The following NRXN3 variants were observed in gnomAD, a reference collection of about 807,000 sequenced individuals.
The protein encoded by NRXN3 is neurexin III.
Under a neutral mutation model 137.6 loss-of-function variants are expected in NRXN3, and 32 were observed. The observed-to-expected ratio is 0.23, with a 90% CI of 0.18 to 0.31. The LOEUF (loss-of-function observed/expected upper bound fraction) is 0.31. Ranked by LOEUF, NRXN3 falls within the 10% of genes least tolerant of loss-of-function variation. NRXN3 has a pLI of 1.00. For missense variants in NRXN3, 1,574 were observed against 2,062.5 expected (o/e 0.76, Z 4.59); for synonymous variants, 798 against 784.5 (o/e 1.02, Z -0.29).
intron 19 of NRXN3, among the ~76,000 whole-genome samples, chr14:79,770,558 G>C (rs940688567): frequency 1.2e-4 from 18 of 147,960 alleles, no homozygotes; most frequent in East Asian, 7.8e-4. Context: ...CAGAAATAAA[G>C]ATGTTCTTTG....
intron 17 of NRXN3, among the ~76,000 whole-genome samples, chr14:79,676,469 G>T (rs2098641415): frequency 6.6e-6 from 1 of 151,628 alleles, no homozygotes; most frequent in Non-Finnish European, 1.5e-5. Flanking sequence ...TCTGTGCAAA[G>T]TTATAAGGGA....
intron 4 of NRXN3, among the ~76,000 whole-genome samples, chr14:78,346,375 G>T (rs889857573): frequency 2.6e-5 from 4 of 152,156 alleles, no homozygotes; most frequent in African/African-American, 9.7e-5. Flanking sequence ...CTCCTGGTCT[G>T]CCTCAGTAAT....
chr14:79,655,518 G>GTCT (rs2098501329), intron 16 of NRXN3, among the ~76,000 whole-genome samples: 1 of 152,178 alleles, frequency 6.6e-6, no homozygotes, highest in Non-Finnish European at 1.5e-5. Context: ...ATACCATACA[G>GTCT]AAAAGTACTG....
intron 16 of NRXN3, among the ~76,000 whole-genome samples, chr14:79,624,795 T>TTTG (rs2098264385): frequency 7.6e-6 from 1 of 130,834 alleles, no homozygotes; most frequent in African/African-American, 3.7e-5. Flanking sequence ...TTTCCCGTTT[T>TTTG]TTTTTTTGTT....
intron 15 of NRXN3, among the ~76,000 whole-genome samples, chr14:79,036,127 C>G (rs17108558): frequency 0.38 from 56,933 of 151,684 alleles, 11,148 homozygotes; most frequent in African/African-American, 0.45. Flanking sequence ...CTGTTAAATG[C>G]ATTAGGCCAT....
chr14:79,484,546 A>G (rs767920150), intron 16 of NRXN3, among the ~76,000 whole-genome samples: 1 of 152,160 alleles, frequency 6.6e-6, no homozygotes, highest in African/African-American at 2.4e-5. Flanking sequence ...CTGAGGAGCC[A>G]TTGCCATTTT....
intron 4 of NRXN3, among the ~76,000 whole-genome samples, chr14:78,404,176 G>A (rs2092322363): frequency 6.7e-6 from 1 of 149,986 alleles, no homozygotes; most frequent in South Asian, 2.1e-4. Context: ...TCTTTGGCAT[G>A]AGTTATAGCT....
At chr14:79,220,701 T>G (rs2069437880) in intron 15 of NRXN3, among the ~76,000 whole-genome samples, 1 of 152,158 alleles carries the variant, frequency 6.6e-6, no homozygotes, top group African/African-American at 2.4e-5. Context: ...GATTGGCTTC[T>G]TTTACTTAGT....
chr14:78,515,092 A>G (rs1193369400), intron 4 of NRXN3, among the ~76,000 whole-genome samples: 3 of 152,184 alleles, frequency 2.0e-5, no homozygotes, highest in African/African-American at 7.2e-5. Context: ...GGTGATTCTA[A>G]CAGTTAGCCA....
At chr14:78,699,948 C>T (rs769853843) in intron 6 of NRXN3, among the ~76,000 whole-genome samples, 9 of 152,142 alleles carry the variant, frequency 5.9e-5, no homozygotes, top group East Asian at 1.9e-4. Flanking sequence ...GTGTTTATGA[C>T]GCTTAGTTTA....
chr14:78,648,872 G>A (rs2097711986), intron 5 of NRXN3, among the ~76,000 whole-genome samples: 1 of 152,190 alleles, frequency 6.6e-6, no homozygotes, highest in Non-Finnish European at 1.5e-5. Context: ...ATGGGTTTGT[G>A]TTAGAGGGTG....
chr14:78,442,245 C>T (rs112881365), intron 4 of NRXN3, among the ~76,000 whole-genome samples: 3,214 of 144,784 alleles, frequency 0.022, 115 homozygotes, highest in African/African-American at 0.079. Context: ...CCAGCCTGGG[C>T]AACAGAGGGA....
At chr14:78,321,241 G>T (rs992918054) in intron 4 of NRXN3, among the ~76,000 whole-genome samples, 22 of 152,036 alleles carry the variant, frequency 1.4e-4, no homozygotes, top group African/African-American at 5.1e-4. Flanking sequence ...AGTGTCTCGT[G>T]CATGCTGCTA....
intron 1 of NRXN3, among the ~76,000 whole-genome samples, chr14:78,217,268 TAAC>T (rs745837161): frequency 2.6e-5 from 4 of 152,386 alleles, no homozygotes; most frequent in South Asian, 2.1e-4. Flanking sequence ...TATATTTTCT[TAAC>T]AATATTTTTT....
chr14:79,332,003 G>A (rs1157373337), intron 15 of NRXN3, among the ~76,000 whole-genome samples: 3 of 152,176 alleles, frequency 2.0e-5, no homozygotes, highest in Admixed American at 2.0e-4. Flanking sequence ...AAAAGCATGT[G>A]TGTATCTTAT....
rs757450227 is a variant in NRXN3 at position 78,243,606 on chromosome 14, C to G, written c.513C>G (p.Gly171=). The change falls in exon 2 of 21, where the codon GGC becomes GGG. Residue 171 remains glycine, a synonymous_variant. Coordinates refer to ENST00000335750, the MANE Select transcript of NRXN3 (RefSeq NM_001330195.2). The surrounding 1 kb of genome is among the most constrained non-coding windows in gnomAD (Gnocchi z 4.2). ...TTGATGGAGTTCAGGCCATGCCCGG[C>G]TTCAAGGGGTTAATTCTGGATCTCA... The part of the protein sequence containing the change: ...LTLDGVQAMP[G]FKGLILDLKY... The G allele has an allele frequency of 3.1e-6, 5 of 1,598,444 alleles. No homozygotes were observed. In the East Asian group the frequency reaches 1.1e-4, roughly 36 times the overall value.
chr14:78,656,823 C>T (rs998177885), intron 6 of NRXN3, among the ~76,000 whole-genome samples: 1 of 152,046 alleles, frequency 6.6e-6, no homozygotes, highest in Non-Finnish European at 1.5e-5. Flanking sequence ...GTGGGCGGAT[C>T]ACGAGGTCGG....
chr14:78,675,291 A>G (rs536202680), intron 6 of NRXN3, among the ~76,000 whole-genome samples: 1 of 152,320 alleles, frequency 6.6e-6, no homozygotes, highest in Admixed American at 6.5e-5. Context: ...TCTTATAGCA[A>G]CAAAAGCCTG....
At position 79,862,581 on chromosome 14, in the gene NRXN3, A is replaced by AT. The variant is rs1009855851; in HGVS notation, c.*624dup. 2.0e-5 allele frequency: 3 copies of AT among 152,352 alleles called. No homozygotes were observed. Among genetic ancestry groups the AT allele is most frequent in the South Asian group, 2.1e-4 (1 of 4,800 alleles). The allele number at this position is 152,352 out of a possible 1,614,324, so 9.4% of individuals were successfully genotyped here. A position where few individuals can be genotyped will look rare whatever the true frequency, so the allele number is the denominator to read the frequency against. On this transcript the variant is annotated 3_prime_UTR_variant, in exon 21 of 21. Coordinates refer to ENST00000335750, the MANE Select transcript of NRXN3 (RefSeq NM_001330195.2). Reference sequence around the variant, plus strand: ...AAAAATGGCTTTTGGGTTTTTGTTTATTTTTTTGATAATGACTGGACATCA... The same window carrying AT: ...AAAAATGGCTTTTGGGTTTTTGTTTATTTTTTTTGATAATGACTGGACATCA...
Sources: gnomAD v4.1 joint callset for allele counts (sites outside exome capture counted in the v4.1 genomes callset) on GRCh38, gnomAD v4.1.1 for gene constraint, Gnocchi (gnomAD v3.1) non-coding constraint, MANE v1.5 for transcripts, NCBI Gene and HGNC (gene_info 2026-07-23, HGNC 2026-07-21) for gene names.